LRBA: variants seen among roughly 807,000 people sequenced by gnomAD.
LRBA encodes the protein lipopolysaccharide-responsive and beige-like anchor protein.
LRBA carries 176 observed loss-of-function variants against 330.0 expected under a neutral mutation model. The observed-to-expected ratio is 0.53, with a 90% CI of 0.47 to 0.60. The LOEUF (loss-of-function observed/expected upper bound fraction) is 0.60, where lower values mean the gene tolerates loss of function less well. Among genes scored for constraint, LRBA ranks in the 20% least tolerant of loss-of-function variants. The pLI, the probability that LRBA is intolerant of heterozygous loss-of-function variation, is 0.00. For missense variants in LRBA, 3,259 were observed against 3,444.8 expected, an observed-to-expected ratio of 0.95 and a Z score of 1.35; for synonymous variants, 1,230 against 1,193.0, an observed-to-expected ratio of 1.03 and a Z score of -0.64.
In LRBA at chr4:150,293,535, A is replaced by G. The variant is rs567022335; in HGVS notation, c.8018-7501T>C. On this transcript the variant is annotated intron_variant, in intron 53 of 56. Coordinates refer to ENST00000651943, the MANE Select transcript of LRBA (RefSeq NM_001364905.1). ...GCCATAGCTGCATTTAGAGTACAAC[A>G]ACCATCAGACAGGAAATTTTAGTAG... Among the ~76,000 whole-genome samples the G allele has an allele frequency of 1.2e-4, 18 of 152,344 alleles. No homozygotes were observed. The South Asian group carries it at 3.7e-3, about 32-fold the overall frequency.
intron 40 of LRBA, among the ~76,000 whole-genome samples, chr4:150,533,284 A>C (rs374006234): frequency 1.1e-4 from 16 of 152,018 alleles, no homozygotes; most frequent in African/African-American, 3.6e-4. Context: ...GGGCTCAAGC[A>C]ATCCTCCCAT....
At chr4:150,976,707 G>A (rs961126083) in intron 2 of LRBA, among the ~76,000 whole-genome samples, 9 of 129,420 alleles carry the variant, frequency 7.0e-5, no homozygotes, top group African/African-American at 2.3e-4. Context: ...CAATCACTTC[G>A]TATCACAGAA....
intron 53 of LRBA, among the ~76,000 whole-genome samples, chr4:150,296,666 TA>T (rs11366236): frequency 0.037 from 5,578 of 149,626 alleles, 323 homozygotes; most frequent in African/African-American, 0.12. Context: ...TGTTGCTTCG[TA>T]AAAAAAAAAT....
chr4:150,349,878 A>C (rs1195178364), intron 48 of LRBA, 114 bp downstream of exon 48: 2 of 874,764 alleles, frequency 2.3e-6, no homozygotes, highest in South Asian at 1.7e-5. Flanking sequence ...GGCACTTTAC[A>C]TCTAGTTTCA....
chr4:150,339,741 A>G (rs1464089098), intron 48 of LRBA, among the ~76,000 whole-genome samples: 3 of 151,798 alleles, frequency 2.0e-5, no homozygotes, highest in Non-Finnish European at 4.4e-5. Context: ...ATACATATAG[A>G]TTTACACAGC....
intron 22 of LRBA, among the ~76,000 whole-genome samples, chr4:150,864,488 T>A (rs886302501): frequency 6.6e-6 from 1 of 152,152 alleles, no homozygotes; most frequent in Non-Finnish European, 1.5e-5. Flanking sequence ...TTTGGCTTCA[T>A]AGAAGACAAC....
chr4:150,432,680 C>T (rs946402461), intron 46 of LRBA, among the ~76,000 whole-genome samples: 24 of 151,464 alleles, frequency 1.6e-4, no homozygotes, highest in African/African-American at 4.1e-4. Context: ...CTCCTGACCT[C>T]GTGATCCGCC....
At chr4:150,559,583 A>T (rs1167022964) in intron 40 of LRBA, among the ~76,000 whole-genome samples, 1 of 118,748 alleles carries the variant, frequency 8.4e-6, no homozygotes, top group African/African-American at 3.2e-5. Context: ...TAAATATATA[A>T]ATATTTATAA....
intron 4 of LRBA, among the ~76,000 whole-genome samples, chr4:150,922,805 T>C (rs548992142): frequency 2.1e-4 from 31 of 150,926 alleles, no homozygotes; most frequent in African/African-American, 6.9e-4. Flanking sequence ...TTTCAAAAAA[T>C]GGTACTTCAA....
chr4:150,471,784 A>C (rs748876234), intron 42 of LRBA, 45 bp from the exon 43 acceptor site: 3 of 857,676 alleles, frequency 3.5e-6, no homozygotes, highest in Non-Finnish European at 5.9e-6. Context: ...TTATATCACA[A>C]TAATAAATCA....
At chr4:150,514,490 T>G (rs868475736) in intron 40 of LRBA, among the ~76,000 whole-genome samples, 1 of 152,134 alleles carries the variant, frequency 6.6e-6, no homozygotes, top group Non-Finnish European at 1.5e-5. Flanking sequence ...GCACAAGAAA[T>G]GCAGAAAAAA....
rs1434582117 is a variant in LRBA at position 150,467,702 on chromosome 4, A to G, written c.6751T>C (p.Leu2251=). The G allele has an allele frequency of 6.2e-7, 1 of 1,605,426 alleles. No homozygotes were observed. Among genetic ancestry groups the G allele is most frequent in the Non-Finnish European group, 8.5e-7 (1 of 1,173,602 alleles). The change falls in exon 44 of 57, where the codon TTG becomes CTG. Residue 2251 remains leucine (L), a synonymous_variant. Transcript: ENST00000651943. ...NYESEELDLT[L]PTNFRDLSKP... ...GACAAATCTCTGAAGTTGGTGGGCA[A>G]GGTAAGATCCAGTTCTTCTGATTCA...
chr4:150,682,263 TAC>T (rs1229109083), intron 37 of LRBA, among the ~76,000 whole-genome samples: 2 of 152,234 alleles, frequency 1.3e-5, no homozygotes, highest in South Asian at 4.1e-4. Context: ...AAACCCTCAA[TAC>T]AACACTCCTC....
intron 5 of LRBA, among the ~76,000 whole-genome samples, chr4:150,920,902 T>C (rs1733181997): frequency 6.6e-6 from 1 of 152,088 alleles, no homozygotes; most frequent in South Asian, 2.1e-4. Context: ...GACATGAAGG[T>C]GTTACACACA....
intron 40 of LRBA, among the ~76,000 whole-genome samples, chr4:150,565,958 T>C (rs1423433551): frequency 2.6e-5 from 4 of 151,928 alleles, no homozygotes; most frequent in Non-Finnish European, 4.4e-5. Context: ...CCAAGCCCAG[T>C]GGCTCACACC....
chr4:150,503,940 T>C (rs930406463), intron 40 of LRBA, among the ~76,000 whole-genome samples: 1 of 152,024 alleles, frequency 6.6e-6, no homozygotes, highest in Non-Finnish European at 1.5e-5. Flanking sequence ...AACTAGGTGA[T>C]GAATGCACAA....
chr4:150,678,726 A>G (rs559677608), intron 37 of LRBA, among the ~76,000 whole-genome samples: 1 of 152,326 alleles, frequency 6.6e-6, no homozygotes, highest in South Asian at 2.1e-4. Flanking sequence ...GGCTATAAAG[A>G]ATTTCTAGCA....
chr4:150,690,226 G>A (rs973383350), intron 36 of LRBA, among the ~76,000 whole-genome samples: 2 of 151,974 alleles, frequency 1.3e-5, no homozygotes, highest in African/African-American at 2.4e-5. Context: ...AAGGTAGGCC[G>A]GGCGCTGTGG....
chr4:150,701,642 T>C (rs905765579), intron 36 of LRBA, among the ~76,000 whole-genome samples: 1 of 152,184 alleles, frequency 6.6e-6, no homozygotes, highest in African/African-American at 2.4e-5. Flanking sequence ...GCAAATATTG[T>C]CAAGCTTAGC....
Sources: allele counts gnomAD v4.1 joint callset (sites outside exome capture counted in the v4.1 genomes callset), GRCh38; gene constraint gnomAD v4.1.1; transcripts MANE v1.5; gene names NCBI Gene and HGNC (gene_info 2026-07-23, HGNC 2026-07-21).